FUS: variants seen among roughly 807,000 people sequenced by gnomAD.
FUS encodes RNA-binding protein FUS.
In FUS, 5 loss-of-function variants were observed where a neutral mutation model predicts 82.7. That is an observed-to-expected ratio of 0.06 (90% CI 0.03 to 0.13). The LOEUF is 0.13. FUS is among the 10% of genes least tolerant of loss of function. The pLI, the probability that FUS is intolerant of heterozygous loss-of-function variation, is 1.00. For synonymous variants in FUS, 281 were observed against 247.4 expected, an observed-to-expected ratio of 1.14 and a Z score of -1.27; for missense variants, 512 against 707.8, an observed-to-expected ratio of 0.72 and a Z score of 3.14.
chr16:31,192,608 T>A (rs968384874), downstream of FUS: 14 of 488,742 alleles, frequency 2.9e-5, 2 homozygotes, highest in Admixed American at 2.5e-4. Flanking sequence ...TCATCCAGGC[T>A]GGAGTGCAGT....
At chr16:31,189,936 G>A in intron 10 of FUS, 104 bp from the exon 11 acceptor site, 3 of 1,562,160 alleles carry the variant, frequency 1.9e-6, no homozygotes, top group Non-Finnish European at 2.6e-6. Context: ...TTTTGCTTAT[G>A]TGTCAGCAGA....
Position 31,189,793 on chromosome 16 carries a change from T to C in FUS, c.1065T>C (p.Asp355=). The change falls in exon 10 of 15, where the codon GAT becomes GAC. Residue 355 remains aspartate, a splice_region_variant and synonymous_variant. Transcript: ENST00000254108. ...PSAKAAIDWF[D]GKEFSGNPIK... is the part of the protein sequence containing the mutation. ...CTAAAGCAGCTATTGACTGGTTTGA[T>C]GGTATGTATGAGAAGGCTGGCAGAG... 2 of 1,614,098 alleles carry C rather than the reference T, an allele frequency of 1.2e-6. No individual in the cohort carries two copies. The highest frequency in any genetic ancestry group is 1.7e-6 in the Non-Finnish European group (2 of 1,180,028).
chr16:31,192,689 A>G (rs759840394), downstream of FUS: 5 of 480,578 alleles, frequency 1.0e-5, no homozygotes, highest in South Asian at 6.2e-5. Context: ...GGAGAATCCC[A>G]GCTTCTGAGT....
chr16:31,192,132 G>A (rs1170066800), downstream of FUS: 4 of 530,642 alleles, frequency 7.5e-6, no homozygotes, highest in East Asian at 4.0e-5. Context: ...GGTGAACAGC[G>A]CTTGGGTAGA....
chr16:31,186,991 C>T, intron 7 of FUS, 155 bp downstream of exon 7: 1 of 744,258 alleles, frequency 1.3e-6, no homozygotes, highest in East Asian at 2.6e-5. Flanking sequence ...CCACCTGTTG[C>T]CTGGTGTGTG....
intron 11 of FUS, 49 bp downstream of exon 11, chr16:31,190,190 G>C (rs773088361): frequency 6.2e-7 from 1 of 1,613,862 alleles, no homozygotes; most frequent in Non-Finnish European, 8.5e-7. Flanking sequence ...GGAGAGTGCA[G>C]AAGATGGTAA....
chr16:31,186,959 C>CA, intron 7 of FUS, 123 bp downstream of exon 7: 1 of 937,282 alleles, frequency 1.1e-6, no homozygotes, highest in South Asian at 1.3e-5. Context: ...GAACCACCTC[C>CA]AGAAAGGGGT....
intron 7 of FUS, 124 bp from the exon 8 acceptor site, chr16:31,188,198 ACTT>A: frequency 1.0e-6 from 1 of 1,002,310 alleles, no homozygotes; most frequent in Non-Finnish European, 1.5e-6. Flanking sequence ...GTGAGCACTT[ACTT>A]GATATTTTAC....
rs547578383 is a variant in FUS at position 31,186,806 on chromosome 16, A to T, written c.769A>T (p.Ser257Cys). 2 of 1,614,184 alleles carry T rather than the reference A, an allele frequency of 1.2e-6. No homozygotes were observed. Among genetic ancestry groups the T allele is most frequent in the African/African-American group, 2.7e-5 (2 of 75,066 alleles). Residue 257 changes from serine (S) to cysteine (C), a missense_variant, in exon 7 of 15, where the codon AGT (serine) becomes TGT (cysteine). Physicochemically the swap from Ser to Cys is moderately radical, Grantham distance 112. Transcript: ENST00000254108. ...CTTCTAACTTGTCTTCTCCAGCGGA[A>T]GTGACCGTGGTGGCTTCAATAAATT... is the stretch of plus-strand genomic sequence containing the variant. ...GRGGRGGMGGSDRGGFNKFGG... is the reference protein window; with the variant it reads ...GRGGRGGMGGCDRGGFNKFGG...
Position 31,183,981 on chromosome 16 carries a change from C to G in FUS, c.314C>G (p.Ala105Gly). ...TACCCTGGCTATGGCCAGCAGCCAG[C>G]TCCCAGCAGCACCTCGGGAAGGTAC... ...SSYPGYGQQP[A>G]PSSTSGSYGS... Residue 105 changes from alanine to glycine, a missense_variant, in exon 4 of 15, where the codon GCT (alanine) becomes GGT (glycine). Around this residue, in one of 6 missense-constraint regions of FUS, gnomAD observed 276 missense variants for 303.3 expected, o/e 0.91. Transcript: ENST00000254108. The G allele has an allele frequency of 1.2e-6, 2 of 1,614,132 alleles. No individual in the cohort carries two copies. The highest frequency in any genetic ancestry group is 2.2e-5 in the East Asian group (1 of 44,882).
intron 8 of FUS, chr16:31,188,782 G>A: frequency 4.3e-6 from 2 of 467,822 alleles, no homozygotes; most frequent in Non-Finnish European, 7.7e-6. Context: ...AGATTTGAAT[G>A]TAAAATGGGT....
At position 31,184,930 on chromosome 16, in the gene FUS, T is replaced by C; in HGVS notation, c.524-9T>C. 1 of 1,613,712 alleles carries C rather than the reference T, an allele frequency of 6.2e-7. No individual in the cohort carries two copies. The highest frequency in any genetic ancestry group is 1.1e-5 in the South Asian group (1 of 91,058). On this transcript the variant is annotated splice_polypyrimidine_tract_variant and intron_variant, in intron 5 of 14. Transcript: ENST00000254108. Reference sequence around the variant, plus strand: ...TTTTTTTTTTTAATCATTCTTTCTTTTCTCACAGGTAACTATGGCCAAGAT... The same window carrying C: ...TTTTTTTTTTTAATCATTCTTTCTTCTCTCACAGGTAACTATGGCCAAGAT...
chr16:31,184,453 T>G (rs2079230398), intron 5 of FUS, 57 bp downstream of exon 5: 1 of 1,442,214 alleles, frequency 6.9e-7, no homozygotes, highest in Admixed American at 2.0e-5. Flanking sequence ...TTTTTTTTTT[T>G]TTGAGACGGA....
At position 31,191,120 on chromosome 16, in the gene FUS, T is replaced by A; in HGVS notation, c.1541+10T>A. Reference sequence around the variant, plus strand: ...GCAAGATGGATTCCAGGTAAGACTTTAAATCAGAATAAAAAAGTAGAGCAG... The same window carrying A: ...GCAAGATGGATTCCAGGTAAGACTTAAAATCAGAATAAAAAAGTAGAGCAG... On this transcript the variant is annotated intron_variant, in intron 14 of 14. Transcript: ENST00000254108. The A allele has an allele frequency of 6.2e-7, 1 of 1,611,870 alleles. No homozygotes were observed. Among genetic ancestry groups the A allele is most frequent in the African/African-American group, 1.3e-5 (1 of 74,924 alleles).
rs1321923681 is a variant in FUS at position 31,184,928 on chromosome 16, T to G, written c.524-11T>G. ...GTTTTTTTTTTTTAATCATTCTTTCTTTTCTCACAGGTAACTATGGCCAAG... is the reference window on the plus strand; with the variant it reads ...GTTTTTTTTTTTTAATCATTCTTTCGTTTCTCACAGGTAACTATGGCCAAG... On this transcript the variant is annotated splice_polypyrimidine_tract_variant and intron_variant, in intron 5 of 14. Transcript: ENST00000254108. 1 of 1,612,788 alleles carries G rather than the reference T, an allele frequency of 6.2e-7. No individual in the cohort carries two copies. Among genetic ancestry groups the G allele is most frequent in the South Asian group, 1.1e-5 (1 of 91,030 alleles).
At chr16:31,190,441 G>T in intron 12 of FUS, 43 bp downstream of exon 12, 1 of 1,613,510 alleles carries the variant, frequency 6.2e-7, no homozygotes, top group Non-Finnish European at 8.5e-7. Flanking sequence ...TTGCATGCGT[G>T]CTCTTTGATA....
Position 31,184,784 on chromosome 16 carries a change from T to C in FUS, c.524-155T>C, listed in dbSNP as rs2735393. On this transcript the variant is annotated intron_variant, in intron 5 of 14. Transcript: ENST00000254108. Reference sequence around the variant, plus strand: ...TATAAGGATTTGTATTCTCCTGTTTTAGCTTAAAAGAGGGTTCCTGTCTTG... The same window carrying C: ...TATAAGGATTTGTATTCTCCTGTTTCAGCTTAAAAGAGGGTTCCTGTCTTG... 0.26 allele frequency among the ~76,000 whole-genome samples: 39,419 copies of C among 152,156 alleles called. 6,128 individuals are homozygous for C. Among genetic ancestry groups the C allele is most frequent in the South Asian group, 0.53 (2,566 of 4,826 alleles).
intron 6 of FUS, chr16:31,185,418 T>A: frequency 3.1e-6 from 2 of 645,950 alleles, no homozygotes; most frequent in Admixed American, 2.5e-5. Context: ...GATACTTGTT[T>A]CCAAAAAAAA....
At chr16:31,184,140 C>T (rs2079223138) in intron 4 of FUS, 69 bp from the exon 5 acceptor site, 1 of 1,613,802 alleles carries the variant, frequency 6.2e-7, no homozygotes. Context: ...GAATGGACTC[C>T]ACTAAAAGTG....
Sources: allele counts gnomAD v4.1 joint callset (sites outside exome capture counted in the v4.1 genomes callset), GRCh38; gene constraint gnomAD v4.1.1; regional missense constraint gnomAD v4.1.1; transcripts MANE v1.5; gene names NCBI Gene and HGNC (gene_info 2026-07-23, HGNC 2026-07-21).